MEGF11: variants seen among roughly 807,000 people sequenced by gnomAD.
MEGF11 encodes the protein multiple EGF like domains 11.
In MEGF11, 126 loss-of-function variants were observed where a neutral mutation model predicts 146.6. The observed-to-expected ratio is 0.86, with a 90% CI of 0.74 to 1.00. The LOEUF (loss-of-function observed/expected upper bound fraction) is 1.00. MEGF11 is among the 50% of genes least tolerant of loss of function. The pLI, the probability that MEGF11 is intolerant of heterozygous loss-of-function variation, is 0.00. For synonymous variants in MEGF11, 532 were observed against 583.4 expected, an observed-to-expected ratio of 0.91 and a Z score of 1.27; for missense variants, 1,509 against 1,521.2, an observed-to-expected ratio of 0.99 and a Z score of 0.13.
intron 5 of MEGF11, among the ~76,000 whole-genome samples, chr15:66,014,687 C>T (rs2082824759): frequency 6.6e-6 from 1 of 152,194 alleles, no homozygotes. Context: ...CCCCACCATT[C>T]CCCAACATGG....
chr15:66,203,278 A>G (rs2091216034), intron 1 of MEGF11, among the ~76,000 whole-genome samples: 1 of 152,220 alleles, frequency 6.6e-6, no homozygotes, highest in Admixed American at 6.5e-5. Context: ...CCTCACATGC[A>G]GGCTACCGTG....
At chr15:66,189,297 G>A (rs755944042) in intron 1 of MEGF11, among the ~76,000 whole-genome samples, 1 of 152,188 alleles carries the variant, frequency 6.6e-6, no homozygotes, top group Non-Finnish European at 1.5e-5. Flanking sequence ...GCTGGGGTGG[G>A]GTGGAGGCTG....
At chr15:66,184,804 T>G (rs983367627) in intron 1 of MEGF11, among the ~76,000 whole-genome samples, 1 of 151,828 alleles carries the variant, frequency 6.6e-6, no homozygotes, top group Non-Finnish European at 1.5e-5. Context: ...CCCCTTCTCT[T>G]GTCTGGTGAA....
rs142417236 is a variant in MEGF11 at position 65,924,411 on chromosome 15, G to T, written c.1676-1442C>A. Among the ~76,000 whole-genome samples, 778 of 151,870 alleles carry T rather than the reference G, an allele frequency of 5.1e-3. 1 individual carries two copies. Among genetic ancestry groups the T allele is most frequent in the Middle Eastern group, 0.024 (7 of 294 alleles). On this transcript the variant is annotated intron_variant, in intron 13 of 25. Coordinates refer to ENST00000395614, the MANE Select transcript of MEGF11 (RefSeq NM_001385028.1). ...AAGTGGTTTCCTCCCCAGGGAATGG[G>T]ATCTGGCAGCCATATTTGCCATATT...
chr15:66,034,768 A>G (rs2083662012), intron 5 of MEGF11, among the ~76,000 whole-genome samples: 1 of 152,128 alleles, frequency 6.6e-6, no homozygotes, highest in Non-Finnish European at 1.5e-5. Context: ...TGTTGGAAAC[A>G]ATCCCTCTGC....
chr15:65,912,162 T>G lies in MEGF11; in HGVS notation c.2749A>C (p.Asn917His). The G allele has an allele frequency of 8.1e-7, 1 of 1,232,234 alleles. No individual in the cohort carries two copies. The highest frequency in any genetic ancestry group is 1.0e-6 in the Non-Finnish European group (1 of 988,086). 76.3% of individuals were successfully genotyped at this position (1,232,234 alleles called of 1,614,324 possible). Residue 917 changes from asparagine to histidine, a missense_variant, in exon 21 of 26, where the codon AAT becomes CAT. Transcript: ENST00000395614. ...CATGCCAGTGCGTGGTAGCTGGAAT[T>G]GGAAAAGCAGTGGGCATGGCTGCTA... ...QSSSHAHCFS[N>H]SSYHALACGG...
At chr15:66,150,750 G>T (rs1169581729) in intron 1 of MEGF11, among the ~76,000 whole-genome samples, 2 of 151,386 alleles carry the variant, frequency 1.3e-5, no homozygotes, top group African/African-American at 2.4e-5. Context: ...TTTTCAAATG[G>T]GGAAATTGAG....
Position 66,039,796 on chromosome 15 carries a change from CGGCGGTGGGGT to C in MEGF11, c.394+54595_394+54605del, listed in dbSNP as rs1567213432. Among the ~76,000 whole-genome samples the C allele has an allele frequency of 4.3e-4, 55 of 127,942 alleles. 1 individual carries two copies. The highest frequency in any genetic ancestry group is 2.6e-3 in the South Asian group (8 of 3,136). 83.9% of individuals were successfully genotyped at this position (127,942 alleles called of 152,430 possible). On this transcript the variant is annotated intron_variant, in intron 5 of 25. Transcript: ENST00000395614. Reference sequence around the variant, plus strand: ...GGTGACGGTCCTGAGCCGGGTCAGGCGGCGGTGGGGTGACGGTCCTGAGCCGGGTCAGGCGG... The same window carrying C: ...GGTGACGGTCCTGAGCCGGGTCAGGCGACGGTCCTGAGCCGGGTCAGGCGG...
intron 5 of MEGF11, among the ~76,000 whole-genome samples, chr15:65,984,640 G>T (rs147165630): frequency 2.7e-3 from 402 of 151,434 alleles, no homozygotes; most frequent in Middle Eastern, 0.01. Context: ...GTGAGCAGAA[G>T]GACTAGCAGA....
intron 1 of MEGF11, among the ~76,000 whole-genome samples, chr15:66,182,522 C>T (rs2090577744): frequency 6.6e-6 from 1 of 152,140 alleles, no homozygotes; most frequent in South Asian, 2.1e-4. Flanking sequence ...AACAGACCTG[C>T]AAACTGGTGC....
At chr15:65,920,713 A>AT (rs1405306933) in intron 15 of MEGF11, among the ~76,000 whole-genome samples, 1 of 152,276 alleles carries the variant, frequency 6.6e-6, no homozygotes, top group Non-Finnish European at 1.5e-5. Flanking sequence ...ATTCTGCGTA[A>AT]GCAGTGTCTG....
At chr15:66,040,939 T>A (rs1435799594) in intron 5 of MEGF11, among the ~76,000 whole-genome samples, 2 of 151,892 alleles carry the variant, frequency 1.3e-5, no homozygotes, top group African/African-American at 4.8e-5. Context: ...CCCCCGGTTT[T>A]CACAAAGAGG....
intron 5 of MEGF11, among the ~76,000 whole-genome samples, chr15:66,021,689 A>G (rs947969199): frequency 2.6e-5 from 4 of 152,208 alleles, no homozygotes; most frequent in African/African-American, 9.7e-5. Context: ...AGAGTTTCCC[A>G]GATACCCCTG....
intron 4 of MEGF11, among the ~76,000 whole-genome samples, chr15:66,096,904 C>A (rs2086578372): frequency 6.6e-6 from 1 of 152,180 alleles, no homozygotes; most frequent in Admixed American, 6.5e-5. Context: ...CAGAGACCAG[C>A]AGGACAGTCT....
intron 4 of MEGF11, among the ~76,000 whole-genome samples, chr15:66,101,671 C>T (rs557116373): frequency 3.3e-5 from 5 of 152,234 alleles, no homozygotes; most frequent in Non-Finnish European, 7.3e-5. Flanking sequence ...ACATCCTGAA[C>T]AAATGAGTAT....
At chr15:66,201,846 T>C (rs4324079) in intron 1 of MEGF11, among the ~76,000 whole-genome samples, 149,133 of 149,136 alleles carry the variant, frequency 1, 74,565 homozygotes, top group Middle Eastern at 1. Context: ...ACTCGGGAGG[T>C]TGAGGCAGAA....
chr15:65,951,166 G>T (rs556954730), intron 10 of MEGF11, among the ~76,000 whole-genome samples: 2 of 152,188 alleles, frequency 1.3e-5, no homozygotes, highest in East Asian at 1.9e-4. Context: ...GGTTAATTCC[G>T]AAGAGAGGAG....
At chr15:66,153,270 G>A (rs1475158819) in intron 1 of MEGF11, among the ~76,000 whole-genome samples, 3 of 152,140 alleles carry the variant, frequency 2.0e-5, no homozygotes, top group East Asian at 1.9e-4. Flanking sequence ...CTTACCCAAC[G>A]CCCATGAAAG....
intron 5 of MEGF11, among the ~76,000 whole-genome samples, chr15:66,029,255 T>C (rs866950232): frequency 1.3e-5 from 2 of 151,940 alleles, no homozygotes; most frequent in East Asian, 1.9e-4. Context: ...CTGATGGGGG[T>C]TGAGCCAGGG....
Sources: gnomAD v4.1 joint callset for allele counts (sites outside exome capture counted in the v4.1 genomes callset) on GRCh38, gnomAD v4.1.1 for gene constraint, MANE v1.5 for transcripts, NCBI Gene and HGNC (gene_info 2026-07-23, HGNC 2026-07-21) for gene names.